SLC5A3: variants seen among roughly 807,000 people sequenced by gnomAD.
SLC5A3 encodes the protein sodium/myo-inositol cotransporter.
In SLC5A3, 10 loss-of-function variants were observed where a neutral mutation model predicts 43.2. The ratio of observed to expected loss-of-function variants is 0.23; its 90% CI spans 0.14 to 0.39. The LOEUF (loss-of-function observed/expected upper bound fraction) is 0.39, where lower values mean the gene tolerates loss of function less well. Among genes scored for constraint, SLC5A3 ranks in the 10% least tolerant of loss-of-function variants. The pLI is 1.00. For synonymous variants in SLC5A3, 349 were observed against 322.0 expected, an observed-to-expected ratio of 1.08 and a Z score of -0.90; for missense variants, 608 against 893.4, an observed-to-expected ratio of 0.68 and a Z score of 4.07.
At chr21:34,093,854 A>G (rs1978835193) in intron 1 of SLC5A3, among the ~76,000 whole-genome samples, 1 of 152,160 alleles carries the variant, frequency 6.6e-6, no homozygotes. Flanking sequence ...AAAATTCCTG[A>G]TGGTCCTACT....
rs1190717110 is a variant in SLC5A3, at chr21:34,089,041, C to A, written c.-336-5822C>A. On this transcript the variant is annotated intron_variant, in intron 1 of 1. Coordinates refer to ENST00000381151, the MANE Select transcript of SLC5A3 (RefSeq NM_006933.7). ...GCTCTGTTATTTCATATTTCCTTTT[C>A]TTTTTGAGACAGTCTCGCTCTGTTG... Among the ~76,000 whole-genome samples the A allele has an allele frequency of 3.3e-5, 5 of 152,096 alleles. No homozygotes were observed. In the South Asian group the frequency reaches 1.0e-3, roughly 32 times the overall value.
rs1979264197 is a variant in SLC5A3, at chr21:34,102,113, C to T, written c.*4758C>T. ...AGGGCTGCAAATCTTTTTCTTCTGT[C>T]AAGGTCACTTAATATGGAATGTTTT... On this transcript the variant is annotated 3_prime_UTR_variant, in exon 2 of 2. Transcript: ENST00000381151. The T allele has an allele frequency of 5.0e-6, 5 of 1,000,024 alleles. No homozygotes were observed. The highest frequency in any genetic ancestry group is 4.8e-6 in the Non-Finnish European group (4 of 829,804). The allele number at this position is 1,000,024 out of a possible 1,614,324, so 61.9% of individuals were successfully genotyped here.
At chr21:34,082,753 C>G (rs1989487579) in intron 1 of SLC5A3, among the ~76,000 whole-genome samples, 1 of 151,672 alleles carries the variant, frequency 6.6e-6, no homozygotes, top group South Asian at 2.1e-4. Context: ...TTTTTCACTC[C>G]CACTCCAGAT....
Position 34,101,432 on chromosome 21 carries a change from T to A in SLC5A3, c.*4077T>A. The A allele has an allele frequency of 1.0e-6, 1 of 1,000,232 alleles. No individual in the cohort carries two copies. The highest frequency in any genetic ancestry group is 1.2e-6 in the Non-Finnish European group (1 of 829,964). The allele number at this position is 1,000,232 out of a possible 1,614,324, so 62.0% of individuals were successfully genotyped here. A position where few individuals can be genotyped will look rare whatever the true frequency, so the allele number is the denominator to read the frequency against. On this transcript the variant is annotated 3_prime_UTR_variant, in exon 2 of 2. Coordinates refer to ENST00000381151, the MANE Select transcript of SLC5A3 (RefSeq NM_006933.7). ...TGAGGCTTCAGTATTTGTAAGATTT[T>A]GCATTAGCCAGATGCTAGGTTGTTG...
rs1569416317 is a variant in SLC5A3, at chr21:34,095,269, G to GT, written c.78dup (p.Ala27CysfsTer6). 6.2e-7 allele frequency: 1 copy of GT among 1,614,120 alleles called. No homozygotes were observed. Among genetic ancestry groups the GT allele is most frequent in the Non-Finnish European group, 8.5e-7 (1 of 1,179,986 alleles). ...TATTTTATCCTGGTCATGTGCATTG[G>GT]TTTTTTTGCCATGTGGAAATCTAAT... On this transcript the variant is annotated frameshift_variant, in exon 2 of 2. Transcript: ENST00000381151. LOFTEE classifies it high-confidence loss of function.
Position 34,097,196 on chromosome 21 carries a change from T to C in SLC5A3, c.1998T>C (p.Ser666=). The change falls in exon 2 of 2, where the codon AGT becomes AGC. Residue 666 remains serine, a synonymous_variant. Coordinates refer to ENST00000381151, the MANE Select transcript of SLC5A3 (RefSeq NM_006933.7). The part of the protein sequence containing the change: ...KFIDWFCGFK[S]KSLSKRSLRD... ...TAGACTGGTTTTGTGGCTTTAAAAG[T>C]AAGAGCCTCAGCAAGAGGAGTCTCA... 1 of 1,614,084 alleles carries C rather than the reference T, an allele frequency of 6.2e-7. No homozygotes were observed. The highest frequency in any genetic ancestry group is 8.5e-7 in the Non-Finnish European group (1 of 1,179,974).
rs1488482948 is a variant in SLC5A3, at chr21:34,097,130, A to C, written c.1932A>C (p.Arg644Ser). ...GQAALMGEKE[R>S]KKETDDGGRY... ...CAGCTCTCATGGGTGAGAAAGAGAG[A>C]AAGAAAGAAACGGATGATGGAGGTC... is the stretch of plus-strand genomic sequence containing the variant. Residue 644 changes from arginine to serine, a missense_variant, in exon 2 of 2, where the codon AGA becomes AGC. Physicochemically the swap from Arg to Ser is moderately radical, Grantham distance 110. This residue lies in a region of SLC5A3 where 210 missense variants were observed against 224.8 expected (regional missense o/e 0.93). Coordinates refer to ENST00000381151, the MANE Select transcript of SLC5A3 (RefSeq NM_006933.7). 4 of 1,613,892 alleles carry C rather than the reference A, an allele frequency of 2.5e-6. No homozygotes were observed. The highest frequency in any genetic ancestry group is 3.4e-6 in the Non-Finnish European group (4 of 1,179,964).
Position 34,102,782 on chromosome 21 carries a change from C to CA in SLC5A3, c.*5428dup. 1.0e-6 allele frequency: 1 copy of CA among 1,000,022 alleles called. No individual in the cohort carries two copies. Among genetic ancestry groups the CA allele is most frequent in the Non-Finnish European group, 1.2e-6 (1 of 829,808 alleles). The allele number at this position is 1,000,022 out of a possible 1,614,324, so 61.9% of individuals were successfully genotyped here. ...GGTTTTGCTCTATACCACTGAAAAGCACTATAACATAATTGTTGTCCATGA... is the reference window on the plus strand; with the variant it reads ...GGTTTTGCTCTATACCACTGAAAAGCAACTATAACATAATTGTTGTCCATGA... On this transcript the variant is annotated 3_prime_UTR_variant, in exon 2 of 2. Transcript: ENST00000381151.
intron 1 of SLC5A3, among the ~76,000 whole-genome samples, chr21:34,074,069 G>A (rs1020949176): frequency 2.0e-5 from 3 of 147,838 alleles, no homozygotes; most frequent in African/African-American, 7.3e-5. Flanking sequence ...GCCCGCGGGA[G>A]TCCAGTGGAA....
intron 1 of SLC5A3, among the ~76,000 whole-genome samples, chr21:34,082,096 G>T (rs539163337): frequency 6.6e-6 from 1 of 151,362 alleles, no homozygotes; most frequent in African/African-American, 2.4e-5. Flanking sequence ...GAATACTTAG[G>T]TACCATGGAT....
Position 34,079,602 on chromosome 21 carries a change from ATTTTTTTTTTT to A in SLC5A3, c.-337+5878_-337+5888del, listed in dbSNP as rs398036389. 3.0e-4 allele frequency among the ~76,000 whole-genome samples: 13 copies of A among 43,680 alleles called. No homozygotes were observed. The South Asian group carries it at 3.1e-3, about 10-fold the overall frequency. The allele number at this position is 43,680 out of a possible 152,430, so 28.7% of individuals were successfully genotyped here. Reference sequence around the variant, plus strand: ...AGGCATGCGCCACCAGACCCAGCTAATTTTTTTTTTTTTTTTTTTTTTTTTTTTTTTAGTAG... The same window carrying A: ...AGGCATGCGCCACCAGACCCAGCTAATTTTTTTTTTTTTTTTTTTTAGTAG... On this transcript the variant is annotated intron_variant, in intron 1 of 1. Coordinates refer to ENST00000381151, the MANE Select transcript of SLC5A3 (RefSeq NM_006933.7).
Position 34,103,101 on chromosome 21 carries a change from CAG to C in SLC5A3, c.*5748_*5749del, listed in dbSNP as rs1979320529. ...ATCTTTTTGTTGTTATAATTGGAAA[CAG>C]AAACGAGGCTTATTGCTATTGCAGA... On this transcript the variant is annotated 3_prime_UTR_variant, in exon 2 of 2. Coordinates refer to ENST00000381151, the MANE Select transcript of SLC5A3 (RefSeq NM_006933.7). 2.0e-6 allele frequency: 2 copies of C among 999,828 alleles called. No homozygotes were observed. Among genetic ancestry groups the C allele is most frequent in the African/African-American group, 1.7e-5 (1 of 57,186 alleles). 61.9% of individuals were successfully genotyped at this position (999,828 alleles called of 1,614,324 possible). A position where few individuals can be genotyped will look rare whatever the true frequency, so the allele number is the denominator to read the frequency against.
intron 1 of SLC5A3, among the ~76,000 whole-genome samples, chr21:34,082,750 C>T (rs1313784872): frequency 2.6e-5 from 4 of 151,718 alleles, no homozygotes; most frequent in African/African-American, 7.3e-5. Flanking sequence ...TTTTTTTTCA[C>T]TCCCACTCCA....
chr21:34,098,218 A>G lies in SLC5A3; in HGVS notation c.*863A>G, dbSNP rs1863472522. On this transcript the variant is annotated 3_prime_UTR_variant, in exon 2 of 2. Coordinates refer to ENST00000381151, the MANE Select transcript of SLC5A3 (RefSeq NM_006933.7). ...AGTGTTTGATTAACTTATGCTAATC[A>G]GATGATTACTCATATATTCTGCTAA... 3.0e-6 allele frequency: 3 copies of G among 999,202 alleles called. No homozygotes were observed. Among genetic ancestry groups the G allele is most frequent in the Admixed American group, 6.1e-5 (1 of 16,276 alleles). The allele number at this position is 999,202 out of a possible 1,614,324, so 61.9% of individuals were successfully genotyped here.
At position 34,104,337 on chromosome 21, in the gene SLC5A3, GTTC is replaced by G. The variant is rs1979381399; in HGVS notation, c.*6987_*6989del. 2 of 998,918 alleles carry G rather than the reference GTTC, an allele frequency of 2.0e-6. No homozygotes were observed. The highest frequency in any genetic ancestry group is 2.4e-6 in the Non-Finnish European group (2 of 828,824). The allele number at this position is 998,918 out of a possible 1,614,324, so 61.9% of individuals were successfully genotyped here. ...AATGTGTGTGTAGAAGAAAACGTAT[GTTC>G]TTCTACTCAGCATTGCCCTTTTCCA... On this transcript the variant is annotated 3_prime_UTR_variant, in exon 2 of 2. Coordinates refer to ENST00000381151, the MANE Select transcript of SLC5A3 (RefSeq NM_006933.7).
intron 1 of SLC5A3, among the ~76,000 whole-genome samples, chr21:34,074,098 C>T (rs1989260112): frequency 6.7e-6 from 1 of 148,162 alleles, no homozygotes; most frequent in Admixed American, 6.7e-5. Flanking sequence ...GGAGGACACG[C>T]GCGGGCGCCC....
chr21:34,083,502 G>A (rs960367267), intron 1 of SLC5A3, among the ~76,000 whole-genome samples: 5 of 152,150 alleles, frequency 3.3e-5, no homozygotes, highest in African/African-American at 1.2e-4. Flanking sequence ...TAGGAAAGGT[G>A]TATGGTACTG....
chr21:34,099,986 C>A lies in SLC5A3; in HGVS notation c.*2631C>A. On this transcript the variant is annotated 3_prime_UTR_variant, in exon 2 of 2. Transcript: ENST00000381151. ...AATGATTGTTCCTGGAATGATCATACATGGACTGTCTTAAGCTAGCAAAAT... is the reference window on the plus strand; with the variant it reads ...AATGATTGTTCCTGGAATGATCATAAATGGACTGTCTTAAGCTAGCAAAAT... 2 of 551,268 alleles carry A rather than the reference C, an allele frequency of 3.6e-6. No individual in the cohort carries two copies. Among genetic ancestry groups the A allele is most frequent in the Non-Finnish European group, 4.8e-6 (2 of 420,244 alleles). The allele number at this position is 551,268 out of a possible 1,614,324, so 34.1% of individuals were successfully genotyped here.
rs994783984 is a variant in SLC5A3 at position 34,074,555 on chromosome 21, C to T, written c.-337+810C>T. 4.6e-5 allele frequency among the ~76,000 whole-genome samples: 7 copies of T among 152,338 alleles called. No individual in the cohort carries two copies. The East Asian group carries it at 1.3e-3, about 29-fold the overall frequency. On this transcript the variant is annotated intron_variant, in intron 1 of 1. Transcript: ENST00000381151. The stretch of plus-strand genomic sequence containing the variant: ...GTGACGGCGTGGCCAAGGACAGGGG[C>T]CCGCGGCCCGGAGGCAGCTCACTTC...
Sources: gnomAD v4.1 joint callset for allele counts (sites outside exome capture counted in the v4.1 genomes callset) on GRCh38, gnomAD v4.1.1 for gene constraint, gnomAD v4.1.1 regional missense constraint, MANE v1.5 for transcripts, NCBI Gene and HGNC (gene_info 2026-07-23, HGNC 2026-07-21) for gene names.